Variants in TGM6 observed in about 807,000 individuals in gnomAD.
TGM6 encodes transglutaminase 6.
A neutral mutation model predicts 77.5 loss-of-function variants in TGM6; 74 were observed. The ratio of observed to expected loss-of-function variants is 0.96; its 90% CI spans 0.79 to 1.16. TGM6 has a LOEUF of 1.16. TGM6 is among the 50% of genes most tolerant of loss of function. TGM6 has a pLI of 0.00. For missense variants in TGM6, 968 were observed against 940.2 expected, an observed-to-expected ratio of 1.03 and a Z score of -0.39; for synonymous variants, 383 against 378.9, an observed-to-expected ratio of 1.01 and a Z score of -0.12.
At chr20:2,412,986 A>G (rs1178691708) in intron 9 of TGM6, among the ~76,000 whole-genome samples, 1 of 152,230 alleles carries the variant, frequency 6.6e-6, no homozygotes, top group Non-Finnish European at 1.5e-5. Flanking sequence ...AAATCCTATC[A>G]AAGTTACAGC....
chr20:2,387,938 G>A (rs6137852), intron 1 of TGM6, among the ~76,000 whole-genome samples: 15 of 152,254 alleles, frequency 9.9e-5, no homozygotes, highest in East Asian at 3.9e-4. Flanking sequence ...GCCTTGGTTC[G>A]TCTCCAGGTG....
intron 1 of TGM6, among the ~76,000 whole-genome samples, chr20:2,383,836 G>C (rs186344806): frequency 4.6e-5 from 7 of 152,082 alleles, no homozygotes; most frequent in African/African-American, 1.7e-4. Flanking sequence ...GGCCGGGCGC[G>C]GTGGCTCACT....
chr20:2,395,263 G>A lies in TGM6; in HGVS notation c.251G>A (p.Gly84Asp). ...ACATCGGAGCTGGAGCGGGGTGAGG[G>A]CTGGACAGCAGCAAGGGAGGCTCAG... ...FQTSELERGE[G>D]WTAAREAQME... Residue 84 changes from glycine (G) to aspartate (D), a missense_variant, in exon 3 of 13, where the codon GGC becomes GAC. Physicochemically the swap from Gly to Asp is moderately conservative, Grantham distance 94. Transcript: ENST00000202625. The A allele has an allele frequency of 6.2e-7, 1 of 1,614,140 alleles. No individual in the cohort carries two copies. Among genetic ancestry groups the A allele is most frequent in the Non-Finnish European group, 8.5e-7 (1 of 1,180,020 alleles).
At chr20:2,407,249 A>G (rs1249730919) in intron 9 of TGM6, among the ~76,000 whole-genome samples, 1 of 152,248 alleles carries the variant, frequency 6.6e-6, no homozygotes, top group East Asian at 1.9e-4. Context: ...CAAAAATAAT[A>G]GTAACAGTAT....
intron 10 of TGM6, among the ~76,000 whole-genome samples, chr20:2,424,323 C>G (rs1055257585): frequency 6.6e-6 from 1 of 152,226 alleles, no homozygotes; most frequent in Admixed American, 6.5e-5. Flanking sequence ...CACCAATGAT[C>G]TTAGCTAGAG....
chr20:2,420,275 C>A (rs544710726), intron 10 of TGM6, among the ~76,000 whole-genome samples: 2 of 152,052 alleles, frequency 1.3e-5, no homozygotes, highest in African/African-American at 2.4e-5. Flanking sequence ...AAGTGAAATT[C>A]TTTGGCCAAA....
intron 4 of TGM6, among the ~76,000 whole-genome samples, chr20:2,397,149 T>C (rs1424071389): frequency 6.6e-6 from 1 of 151,944 alleles, no homozygotes; most frequent in Non-Finnish European, 1.5e-5. Context: ...CAGAAGAGGG[T>C]GAAAGGAACC....
At position 2,399,510 on chromosome 20, in the gene TGM6, T is replaced by C. The variant is rs575423391; in HGVS notation, c.673-51T>C. 12 of 1,611,410 alleles carry C rather than the reference T, an allele frequency of 7.4e-6. No homozygotes were observed. The African/African-American group carries it at 1.2e-4, about 16-fold the overall frequency. ...ACAGGATTTGACCACGATGCGGTTC[T>C]TGAGGTAGGAAGCCCTGCCTGGTTG... On this transcript the variant is annotated intron_variant, in intron 5 of 12. Coordinates refer to ENST00000202625, the MANE Select transcript of TGM6 (RefSeq NM_198994.3).
chr20:2,424,079 T>C (rs1246339016), intron 10 of TGM6, among the ~76,000 whole-genome samples: 1 of 152,196 alleles, frequency 6.6e-6, no homozygotes, highest in African/African-American at 2.4e-5. Flanking sequence ...ACAGGCATAG[T>C]AGATTTAGCA....
chr20:2,381,559 T>A (rs1245993077), intron 1 of TGM6, among the ~76,000 whole-genome samples: 1 of 152,216 alleles, frequency 6.6e-6, no homozygotes, highest in Admixed American at 6.5e-5. Flanking sequence ...TGTGAGGAGT[T>A]GGTGAGACCA....
At chr20:2,406,831 CAAAAAAA>C (rs3050731) in intron 9 of TGM6, among the ~76,000 whole-genome samples, 16,687 of 64,320 alleles carry the variant, frequency 0.26, 2,002 homozygotes, top group African/African-American at 0.32. Context: ...CGAAACTCCT[CAAAAAAA>C]AAAAAAAAAA....
At chr20:2,417,119 A>C in intron 9 of TGM6, 113 bp from the exon 10 acceptor site, 1 of 875,012 alleles carries the variant, frequency 1.1e-6, no homozygotes, top group Non-Finnish European at 1.8e-6. Flanking sequence ...AACACAAGGC[A>C]TGTGGCGCCG....
intron 4 of TGM6, among the ~76,000 whole-genome samples, chr20:2,396,904 G>A (rs911495176): frequency 5.9e-5 from 9 of 152,146 alleles, no homozygotes; most frequent in African/African-American, 1.9e-4. Context: ...AAACACGAGC[G>A]TACATCAGAA....
intron 1 of TGM6, among the ~76,000 whole-genome samples, chr20:2,386,949 G>A (rs765802887): frequency 3.3e-5 from 5 of 152,124 alleles, no homozygotes; most frequent in South Asian, 2.1e-4. Flanking sequence ...CAACCTCGTC[G>A]TCTGCTTCTG....
intron 1 of TGM6, among the ~76,000 whole-genome samples, chr20:2,384,213 C>A (rs746432847): frequency 6.6e-6 from 1 of 152,088 alleles, no homozygotes; most frequent in Non-Finnish European, 1.5e-5. Context: ...GGTGGAAGCC[C>A]ATTGCCCTAG....
chr20:2,408,445 G>T (rs535062305), intron 9 of TGM6, among the ~76,000 whole-genome samples: 1 of 152,164 alleles, frequency 6.6e-6, no homozygotes, highest in Non-Finnish European at 1.5e-5. Flanking sequence ...CTTGATATTT[G>T]CTTGAATCTT....
chr20:2,417,598 A>G (rs772521177), intron 10 of TGM6, 25 bp downstream of exon 10: 5 of 1,582,398 alleles, frequency 3.2e-6, no homozygotes, highest in Non-Finnish European at 4.3e-6. Context: ...GCTTGGTGGA[A>G]TCAGGCCAAA....
At chr20:2,404,698 T>A (rs1004083465) in intron 9 of TGM6, among the ~76,000 whole-genome samples, 2 of 151,954 alleles carry the variant, frequency 1.3e-5, no homozygotes, top group Non-Finnish European at 2.9e-5. Context: ...TGGAGCGCAA[T>A]AATGTGATCT....
intron 5 of TGM6, among the ~76,000 whole-genome samples, chr20:2,399,193 T>C (rs908423771): frequency 6.6e-6 from 1 of 151,908 alleles, no homozygotes; most frequent in African/African-American, 2.4e-5. Flanking sequence ...TTCAACAGGT[T>C]AATATAGTGT....
Sources: allele counts gnomAD v4.1 joint callset (sites outside exome capture counted in the v4.1 genomes callset), GRCh38; gene constraint gnomAD v4.1.1; transcripts MANE v1.5; gene names NCBI Gene and HGNC (gene_info 2026-07-23, HGNC 2026-07-21).